Variants in MFNG observed in about 807,000 individuals in gnomAD.
The protein encoded by MFNG is beta-1,3-N-acetylglucosaminyltransferase manic fringe.
Under a neutral mutation model 34.2 loss-of-function variants are expected in MFNG, and 24 were observed. The ratio of observed to expected loss-of-function variants is 0.70; its 90% CI spans 0.51 to 0.99. The LOEUF (loss-of-function observed/expected upper bound fraction) is 0.99. Among genes scored for constraint, MFNG ranks in the 50% least tolerant of loss-of-function variants. The probability of loss-of-function intolerance (pLI) is 0.00; values close to 1 mark genes in which losing one functional copy is unlikely to be tolerated. For missense variants in MFNG, 383 were observed against 424.0 expected, an observed-to-expected ratio of 0.90 and a Z score of 0.85; for synonymous variants, 158 against 179.2, an observed-to-expected ratio of 0.88 and a Z score of 0.94.
rs149029040 is a variant in MFNG, at chr22:37,472,461, G to A, written c.881C>T (p.Pro294Leu). ...GACCCACCTGGAGGGGTCCTCCTCC[G>A]GGGAGAAGGGGCCCTGTAGCTTAAT... is the stretch of plus-strand genomic sequence containing the variant. ...NVIKLQGPFS[P>L]EEDPSRFRSL... Residue 294 changes from proline to leucine, a missense_variant, in exon 7 of 8, where the codon CCG becomes CTG. Transcript: ENST00000356998. 1.0e-4 allele frequency: 161 copies of A among 1,582,796 alleles called. 3 individuals are homozygous for A. Among genetic ancestry groups the A allele is most frequent in the South Asian group, 9.5e-4 (83 of 87,208 alleles).
At chr22:37,480,803 C>T (rs373696774) in intron 1 of MFNG, 34 bp from the exon 2 acceptor site, 57 of 1,603,656 alleles carry the variant, frequency 3.6e-5, no homozygotes, top group Non-Finnish European at 4.3e-5. Flanking sequence ...GGACTCACAT[C>T]GGCCCAAGGG....
rs1378805340 is a variant in MFNG at position 37,476,986 on chromosome 22, G to A, written c.562-5C>T. 1.2e-6 allele frequency: 2 copies of A among 1,613,926 alleles called. No homozygotes were observed. The highest frequency in any genetic ancestry group is 1.7e-5 in the Admixed American group (1 of 60,012). ...AAACCAGAACTGTACCAGCCTCTGA[G>A]AGAGAGGAAGGCCAAGGGGCAGAGT... On this transcript the variant is annotated splice_polypyrimidine_tract_variant and splice_region_variant and intron_variant, in intron 4 of 7. Transcript: ENST00000356998.
rs1408473888 is a variant in MFNG, at chr22:37,486,065, G to T, written c.113C>A (p.Thr38Asn). The T allele has an allele frequency of 6.2e-7, 1 of 1,613,736 alleles. No individual in the cohort carries two copies. Among genetic ancestry groups the T allele is most frequent in the Non-Finnish European group, 8.5e-7 (1 of 1,179,946 alleles). ...LNLSPQRVQG[T>N]PELSQPNPGP... ...CGGGTTCGGCTGGCTCAGCTCGGGGGTCCCTTGTACCCGCTGCGGGGACAG... is the reference window on the plus strand; with the variant it reads ...CGGGTTCGGCTGGCTCAGCTCGGGGTTCCCTTGTACCCGCTGCGGGGACAG... Residue 38 changes from threonine to asparagine, a missense_variant, in exon 1 of 8, where the codon ACC becomes AAC. Thr to Asn is a moderately conservative substitution (Grantham distance 65). Transcript: ENST00000356998.
At chr22:37,478,781 C>T (rs1362676709) in intron 4 of MFNG, among the ~76,000 whole-genome samples, 1 of 152,008 alleles carries the variant, frequency 6.6e-6, no homozygotes, top group Non-Finnish European at 1.5e-5. Flanking sequence ...TGGGTTCAAG[C>T]GATTCTCCTC....
chr22:37,479,340 C>A lies in MFNG; in HGVS notation c.561+5G>T. On this transcript the variant is annotated splice_donor_5th_base_variant and intron_variant, in intron 4 of 7. Coordinates refer to ENST00000356998, the MANE Select transcript of MFNG (RefSeq NM_002405.4). ...AAGGGGCAAAGGAGGAGGAGAGGGA[C>A]CCACCGTGCGGTTGTGGGGCTGTGG... 1.3e-6 allele frequency: 2 copies of A among 1,565,224 alleles called. No homozygotes were observed. The highest frequency in any genetic ancestry group is 1.7e-6 in the Non-Finnish European group (2 of 1,156,052).
Position 37,482,717 on chromosome 22 carries a change from G to A in MFNG, c.256-1948C>T, listed in dbSNP as rs1476298367. 6.6e-6 allele frequency among the ~76,000 whole-genome samples: 1 copy of A among 152,228 alleles called. No individual in the cohort carries two copies. The highest frequency in any genetic ancestry group is 1.5e-5 in the Non-Finnish European group (1 of 68,006). On this transcript the variant is annotated intron_variant, in intron 1 of 7. Coordinates refer to ENST00000356998, the MANE Select transcript of MFNG (RefSeq NM_002405.4). This position sits in a 1 kb window ranked among gnomAD's most constrained non-coding sequence, Gnocchi z 4.1. Reference sequence around the variant, plus strand: ...CTCTTCCACCAGACGATGGCATCCTGGAGACCACAGGCTGGGTCCAATTTG... The same window carrying A: ...CTCTTCCACCAGACGATGGCATCCTAGAGACCACAGGCTGGGTCCAATTTG...
At chr22:37,479,625 A>C (rs1490684515) in intron 3 of MFNG, 127 bp from the exon 4 acceptor site, 1 of 1,226,600 alleles carries the variant, frequency 8.2e-7, no homozygotes, top group Admixed American at 2.5e-5. Flanking sequence ...CATTTAAGGC[A>C]TCTGTTTTGT....
At chr22:37,478,276 G>C (rs2145732735) in intron 4 of MFNG, among the ~76,000 whole-genome samples, 1 of 152,280 alleles carries the variant, frequency 6.6e-6, no homozygotes, top group South Asian at 2.1e-4. Flanking sequence ...TCTAGAGAGG[G>C]ACCTCCCGAT....
intron 1 of MFNG, among the ~76,000 whole-genome samples, chr22:37,481,926 T>C (rs1476928624): frequency 1.3e-5 from 2 of 151,918 alleles, no homozygotes; most frequent in Non-Finnish European, 2.9e-5. Flanking sequence ...ATCAGAAGAG[T>C]CCCCGCCTTG....
intron 5 of MFNG, among the ~76,000 whole-genome samples, chr22:37,475,982 G>A (rs939401420): frequency 2.6e-5 from 4 of 152,200 alleles, no homozygotes; most frequent in Non-Finnish European, 4.4e-5. Context: ...AAGGCTTGCA[G>A]ACCTTGGAGC....
At chr22:37,471,628 C>T (rs1395241908) in intron 7 of MFNG, among the ~76,000 whole-genome samples, 4 of 151,970 alleles carry the variant, frequency 2.6e-5, no homozygotes, top group South Asian at 4.2e-4. Flanking sequence ...GTCAGGAGTT[C>T]GAAACCAGCC....
intron 1 of MFNG, chr22:37,481,154 C>T (rs1922276010): frequency 4.3e-6 from 1 of 232,688 alleles, no homozygotes; most frequent in East Asian, 1.1e-4. Context: ...CAATCTTAAA[C>T]CCATTTTCAG....
Position 37,485,924 on chromosome 22 carries a change from T to C in MFNG, c.254A>G (p.Gln85Arg), listed in dbSNP as rs200265617. The change falls in exon 1 of 8, where the codon CAG (glutamine) becomes CGG (arginine). Residue 85 changes from glutamine (Q) to arginine (R), a missense_variant and splice_region_variant. Physicochemically the swap from Gln to Arg is conservative, Grantham distance 43. Transcript: ENST00000356998. The surrounding 1 kb of genome is among the most constrained non-coding windows in gnomAD (Gnocchi z 5.3). ...LDTWVSRTREQTFVFTDSPDK... is the reference protein window; with the variant it reads ...LDTWVSRTRERTFVFTDSPDK... ...GGCCCAATGTCACCCACTTGTCACC[T>C]GTTCCCTGGTCCTGGAAACCCACGT... 1 of 1,612,166 alleles carries C rather than the reference T, an allele frequency of 6.2e-7. No individual in the cohort carries two copies. Among genetic ancestry groups the C allele is most frequent in the Non-Finnish European group, 8.5e-7 (1 of 1,178,858 alleles).
rs1432756930 is a variant in MFNG, at chr22:37,480,188, A to G, written c.407+9T>C. On this transcript the variant is annotated intron_variant, in intron 3 of 7. Coordinates refer to ENST00000356998, the MANE Select transcript of MFNG (RefSeq NM_002405.4). ...CCACACTTATCCCCAGAGACCCAGGAACACTCGCCTAAGCCCACTGGCCAA... is the reference window on the plus strand; with the variant it reads ...CCACACTTATCCCCAGAGACCCAGGGACACTCGCCTAAGCCCACTGGCCAA... 3 of 1,597,472 alleles carry G rather than the reference A, an allele frequency of 1.9e-6. No individual in the cohort carries two copies. The East Asian group carries it at 6.8e-5, about 36-fold the overall frequency.
At chr22:37,480,161 G>A (rs747642701) in intron 3 of MFNG, 36 bp downstream of exon 3, 4 of 1,549,876 alleles carry the variant, frequency 2.6e-6, no homozygotes, top group Admixed American at 3.4e-5. Flanking sequence ...ACTGGGCCCA[G>A]ACCACACTTA....
chr22:37,480,272 G>A lies in MFNG; in HGVS notation c.332C>T (p.Ser111Phe). 6.2e-7 allele frequency: 1 copy of A among 1,613,804 alleles called. No homozygotes were observed. Among genetic ancestry groups the A allele is most frequent in the Non-Finnish European group, 8.5e-7 (1 of 1,179,706 alleles). ...LGSHLVVTNCSAEHSHPALSC... is the reference protein window; with the variant it reads ...LGSHLVVTNCFAEHSHPALSC... ...CAGAGCTGGGTGGCTGTGTTCCGCG[G>A]AGCAGTTGGTGACCACAAGGTGGGA... is the stretch of plus-strand genomic sequence containing the variant. Residue 111 changes from serine (S) to phenylalanine (F), a missense_variant, in exon 3 of 8, where the codon TCC becomes TTC. Coordinates refer to ENST00000356998, the MANE Select transcript of MFNG (RefSeq NM_002405.4).
At chr22:37,474,076 A>T (rs566420307) in intron 6 of MFNG, among the ~76,000 whole-genome samples, 29 of 152,238 alleles carry the variant, frequency 1.9e-4, no homozygotes, top group African/African-American at 5.5e-4. Flanking sequence ...AGCACTGAGC[A>T]ATGGATAGGG....
intron 7 of MFNG, 31 bp from the exon 8 acceptor site, chr22:37,470,060 T>TCA: frequency 6.5e-7 from 1 of 1,540,766 alleles, no homozygotes. Flanking sequence ...GACAGGATGG[T>TCA]CACCCCCCAC....
Position 37,483,692 on chromosome 22 carries a change from G to A in MFNG, c.255+2231C>T, listed in dbSNP as rs928852033. Among the ~76,000 whole-genome samples the A allele has an allele frequency of 6.6e-6, 1 of 152,088 alleles. No homozygotes were observed. The highest frequency in any genetic ancestry group is 2.1e-4 in the South Asian group (1 of 4,832). On this transcript the variant is annotated intron_variant, in intron 1 of 7. Transcript: ENST00000356998. This position sits in a 1 kb window ranked among gnomAD's most constrained non-coding sequence, Gnocchi z 4.5. ...CTACTCAGGAAGCTGAGGATCACTT[G>A]AAACCAGGAGGCGGAGGTTGCAGTG...
Sources: gnomAD v4.1 joint callset for allele counts (sites outside exome capture counted in the v4.1 genomes callset) on GRCh38, gnomAD v4.1.1 for gene constraint, Gnocchi (gnomAD v3.1) non-coding constraint, MANE v1.5 for transcripts, NCBI Gene and HGNC (gene_info 2026-07-23, HGNC 2026-07-21) for gene names.